The following PNPT1 variants were observed in gnomAD, a reference collection of about 807,000 sequenced individuals.
The protein encoded by PNPT1 is polyribonucleotide nucleotidyltransferase 1.
Under a neutral mutation model 119.5 loss-of-function variants are expected in PNPT1, and 53 were observed. The observed-to-expected ratio is 0.44, with a 90% CI of 0.36 to 0.56. The LOEUF is 0.56. PNPT1 is among the 20% of genes least tolerant of loss of function. The probability of loss-of-function intolerance (pLI) is 0.00; values close to 1 mark genes in which losing one functional copy is unlikely to be tolerated. For missense variants in PNPT1, 948 were observed against 938.5 expected, an observed-to-expected ratio of 1.01 and a Z score of -0.13; for synonymous variants, 357 against 322.1, an observed-to-expected ratio of 1.11 and a Z score of -1.16.
intron 12 of PNPT1, 56 bp from the exon 13 acceptor site, chr2:55,667,149 A>G (rs1175010878): frequency 2.2e-6 from 3 of 1,345,288 alleles, no homozygotes; most frequent in Non-Finnish European, 3.2e-6. Context: ...GAAAAATCAC[A>G]TGTCTTTATC....
intron 17 of PNPT1, among the ~76,000 whole-genome samples, chr2:55,655,212 A>C (rs1696348002): frequency 1.3e-5 from 2 of 152,158 alleles, no homozygotes; most frequent in Non-Finnish European, 1.5e-5. Context: ...TAGATAGGAC[A>C]GATAAAGAGG....
intron 19 of PNPT1, among the ~76,000 whole-genome samples, 169 bp downstream of exon 19, chr2:55,647,178 G>C (rs1027646337): frequency 9.9e-5 from 15 of 152,058 alleles, no homozygotes; most frequent in Non-Finnish European, 2.9e-5. Flanking sequence ...AACATGCAGA[G>C]GAGGAAGGGA....
chr2:55,650,072 T>G (rs1469166174), intron 18 of PNPT1, among the ~76,000 whole-genome samples: 1 of 150,892 alleles, frequency 6.6e-6, no homozygotes, highest in East Asian at 1.9e-4. Flanking sequence ...TAGGAGATTT[T>G]ATGTTGGGGA....
intron 15 of PNPT1, among the ~76,000 whole-genome samples, chr2:55,659,240 C>G (rs1168885934): frequency 6.6e-6 from 1 of 152,194 alleles, no homozygotes; most frequent in Non-Finnish European, 1.5e-5. Context: ...CAGGTATGAG[C>G]TACCATGCCC....
intron 26 of PNPT1, among the ~76,000 whole-genome samples, chr2:55,639,815 T>G (rs1335602389): frequency 6.6e-6 from 1 of 152,130 alleles, no homozygotes; most frequent in Non-Finnish European, 1.5e-5. Flanking sequence ...CTACTAATCT[T>G]ATTAAAACAT....
chr2:55,685,629 T>C (rs967608398), intron 3 of PNPT1, among the ~76,000 whole-genome samples: 4 of 152,344 alleles, frequency 2.6e-5, no homozygotes, highest in Middle Eastern at 3.4e-3. Flanking sequence ...TTGCTTTTTT[T>C]TGGTATCAAC....
rs143712760 is a variant in PNPT1, at chr2:55,647,430, C to A, written c.1519G>T (p.Ala507Ser). ...DSGVPISSAV[A>S]GVAIGLVTKT... ...GTGACCAATCCTATTGCTACGCCTGCAACAGCAGATGAAATTGGAACCCCT... is the reference window on the plus strand; with the variant it reads ...GTGACCAATCCTATTGCTACGCCTGAAACAGCAGATGAAATTGGAACCCCT... The change falls in exon 19 of 28, where the codon GCA becomes TCA. Residue 507 changes from alanine to serine, a missense_variant. Coordinates refer to ENST00000447944, the MANE Select transcript of PNPT1 (RefSeq NM_033109.5). 3.2e-4 allele frequency: 512 copies of A among 1,608,054 alleles called. No individual in the cohort carries two copies. Among genetic ancestry groups the A allele is most frequent in the Non-Finnish European group, 4.1e-4 (488 of 1,176,312 alleles).
intron 1 of PNPT1, among the ~76,000 whole-genome samples, chr2:55,688,069 G>C (rs562590660): frequency 6.6e-6 from 1 of 150,932 alleles, no homozygotes; most frequent in African/African-American, 2.4e-5. Flanking sequence ...TTTGAGACAG[G>C]GTCTTGCTCT....
intron 13 of PNPT1, among the ~76,000 whole-genome samples, chr2:55,663,823 C>CA (rs1247445562): frequency 1.5e-4 from 22 of 147,744 alleles, no homozygotes; most frequent in Admixed American, 5.4e-4. Flanking sequence ...CTAAAAAATA[C>CA]AAAAAAAAAA....
In PNPT1 at chr2:55,660,138, G is replaced by A. The variant is rs753986897; in HGVS notation, c.1284+19C>T. On this transcript the variant is annotated intron_variant, in intron 15 of 27. Transcript: ENST00000447944. ...TATTAATTTATTAATAAAATTTTGA[G>A]GAAAAAAATTCACCTTACCTCGTAG... The A allele has an allele frequency of 1.3e-6, 2 of 1,565,848 alleles. No individual in the cohort carries two copies. Among genetic ancestry groups the A allele is most frequent in the Admixed American group, 3.8e-5 (2 of 52,110 alleles).
intron 18 of PNPT1, among the ~76,000 whole-genome samples, chr2:55,651,705 T>TC (rs1200584599): frequency 6.8e-6 from 1 of 147,934 alleles, no homozygotes; most frequent in Admixed American, 6.8e-5. Flanking sequence ...CTGCTGACCT[T>TC]CCCTCCACTA....
chr2:55,674,453 C>G (rs1697004786), intron 8 of PNPT1, among the ~76,000 whole-genome samples: 1 of 152,086 alleles, frequency 6.6e-6, no homozygotes, highest in African/African-American at 2.4e-5. Context: ...ATTAGCCAGG[C>G]ATAGTGGCGT....
At chr2:55,664,551 G>A (rs1696677333) in intron 13 of PNPT1, among the ~76,000 whole-genome samples, 1 of 151,670 alleles carries the variant, frequency 6.6e-6, no homozygotes, top group Non-Finnish European at 1.5e-5. Flanking sequence ...AAAATAAATA[G>A]GCAAATTAAA....
chr2:55,647,313 A>G (rs748306632), intron 19 of PNPT1, 34 bp downstream of exon 19: 2 of 1,460,952 alleles, frequency 1.4e-6, no homozygotes, highest in African/African-American at 1.4e-5. Flanking sequence ...TTTAGTCTTC[A>G]TTATTAAATA....
chr2:55,677,303 C>A (rs1354185431), intron 8 of PNPT1, among the ~76,000 whole-genome samples: 2 of 152,180 alleles, frequency 1.3e-5, no homozygotes, highest in African/African-American at 2.4e-5. Context: ...AGCAAAGATT[C>A]CTTGGTTCTG....
At chr2:55,686,545 G>A in intron 2 of PNPT1, 101 bp from the exon 3 acceptor site, 1 of 789,524 alleles carries the variant, frequency 1.3e-6, no homozygotes. Context: ...CTCAAGAAAA[G>A]ATATCTAATT....
rs1390800841 is a variant in PNPT1 at position 55,651,237 on chromosome 2, A to G, written c.1495+3663T>C. On this transcript the variant is annotated intron_variant, in intron 18 of 27. Transcript: ENST00000447944. ...CGGCCGCCCCTACTGGGAAGTGAGGAGCCCCTCTGCCCGGCCACCACCCCG... is the reference window on the plus strand; with the variant it reads ...CGGCCGCCCCTACTGGGAAGTGAGGGGCCCCTCTGCCCGGCCACCACCCCG... 3.8e-4 allele frequency among the ~76,000 whole-genome samples: 58 copies of G among 150,690 alleles called. 1 individual carries two copies. Among genetic ancestry groups the G allele is most frequent in the African/African-American group, 9.8e-4 (40 of 40,794 alleles).
Position 55,693,687 on chromosome 2 carries a change from G to C in PNPT1, c.137C>G (p.Ala46Gly), listed in dbSNP as rs540498342. The C allele has an allele frequency of 7.7e-5, 125 of 1,614,220 alleles. 2 individuals are homozygous for C. In the South Asian group the frequency reaches 1.2e-3, roughly 16 times the overall value. Residue 46 changes from alanine (A) to glycine (G), a missense_variant, in exon 1 of 28, where the codon GCT (alanine) becomes GGT (glycine). Transcript: ENST00000447944. ...CCTGTTGCCTAAGTCCACGGCCACA[G>C]CTCGAGACCCTGCGCTACTCCATAG... ...RALWSSAGSRAVAVDLGNRKL... is the reference protein window; with the variant it reads ...RALWSSAGSRGVAVDLGNRKL...
At chr2:55,683,967 G>C (rs761688558) in intron 4 of PNPT1, 133 bp from the exon 5 acceptor site, 42 of 752,806 alleles carry the variant, frequency 5.6e-5, no homozygotes, top group Non-Finnish European at 8.9e-5. Flanking sequence ...TACTAAGAGG[G>C]ACACAGATAA....
Sources: gnomAD v4.1 joint callset for allele counts (sites outside exome capture counted in the v4.1 genomes callset) on GRCh38, gnomAD v4.1.1 for gene constraint, MANE v1.5 for transcripts, NCBI Gene and HGNC (gene_info 2026-07-23, HGNC 2026-07-21) for gene names.